The following HIPK3 variants were observed in gnomAD, a reference collection of about 807,000 sequenced individuals.
The protein encoded by HIPK3 is homeodomain-interacting protein kinase 3.
A neutral mutation model predicts 124.2 loss-of-function variants in HIPK3; 47 were observed. The ratio of observed to expected loss-of-function variants is 0.38; its 90% CI spans 0.30 to 0.48. The LOEUF (loss-of-function observed/expected upper bound fraction) is 0.48. Ranked by LOEUF, HIPK3 falls within the 20% of genes least tolerant of loss-of-function variation. HIPK3 has a pLI of 0.98. For missense variants in HIPK3, 1,286 were observed against 1,454.3 expected, an observed-to-expected ratio of 0.88 and a Z score of 1.88; for synonymous variants, 482 against 515.2, an observed-to-expected ratio of 0.94 and a Z score of 0.87.
chr11:33,283,894 C>T (rs1231306274), intron 1 of HIPK3, among the ~76,000 whole-genome samples: 5 of 151,922 alleles, frequency 3.3e-5, no homozygotes, highest in East Asian at 2.0e-4. Flanking sequence ...AGGCTGGTCT[C>T]GAGTTCCTGA....
intron 1 of HIPK3, among the ~76,000 whole-genome samples, chr11:33,269,794 A>G (rs1851072941): frequency 6.6e-6 from 1 of 151,952 alleles, no homozygotes; most frequent in Non-Finnish European, 1.5e-5. Context: ...CCTTCAGATA[A>G]TTGTTTACAG....
chr11:33,308,324 T>A (rs1852224205), intron 2 of HIPK3, among the ~76,000 whole-genome samples: 2 of 152,210 alleles, frequency 1.3e-5, no homozygotes, highest in Admixed American at 6.5e-5. Context: ...TCCTCCTGAT[T>A]GTTCTTCAAG....
upstream of HIPK3, chr11:33,257,275 G>C (rs1005057479): frequency 3.1e-6 from 3 of 983,406 alleles, no homozygotes; most frequent in African/African-American, 3.5e-5. Context: ...GAGCGGAGCG[G>C]AGCCGCCCGG....
At position 33,287,297 on chromosome 11, in the gene HIPK3, C is replaced by A; in HGVS notation, c.883C>A (p.Pro295Thr). The A allele has an allele frequency of 6.2e-7, 1 of 1,614,068 alleles. No individual in the cohort carries two copies. The highest frequency in any genetic ancestry group is 8.5e-7 in the Non-Finnish European group (1 of 1,179,992). The change falls in exon 2 of 17, where the codon CCA becomes ACA. Residue 295 changes from proline to threonine, a missense_variant. Transcript: ENST00000303296. ...GAAACAAAATAAATTTAGTCCCCTG[C>A]CACTAAAAGTGATTCGGCCCATTCT... is the stretch of plus-strand genomic sequence containing the variant. ...FLKQNKFSPL[P>T]LKVIRPILQQ... is the part of the protein sequence containing the mutation.
intron 1 of HIPK3, among the ~76,000 whole-genome samples, chr11:33,275,691 C>A (rs1467949265): frequency 1.3e-5 from 2 of 152,044 alleles, no homozygotes; most frequent in Non-Finnish European, 2.9e-5. Context: ...AATGAAAAGC[C>A]CTTTTAATTG....
intron 2 of HIPK3, among the ~76,000 whole-genome samples, chr11:33,321,326 A>G (rs559677978): frequency 1.7e-4 from 26 of 152,334 alleles, no homozygotes; most frequent in Non-Finnish European, 3.5e-4. Flanking sequence ...GGCAGCTTGT[A>G]TAAACAGTGC....
At chr11:33,271,165 G>T (rs985091633) in intron 1 of HIPK3, among the ~76,000 whole-genome samples, 7 of 151,938 alleles carry the variant, frequency 4.6e-5, no homozygotes, top group African/African-American at 1.7e-4. Flanking sequence ...CATTCTAAGT[G>T]TTTGTTAATA....
chr11:33,348,502 A>G lies in HIPK3; in HGVS notation c.2370-20A>G. On this transcript the variant is annotated intron_variant, in intron 12 of 16. Transcript: ENST00000303296. ...ACATATTTTGATTATAGAAATTATA[A>G]ATTATTCCTTTGGTTGCAGGAGTAA... 1 of 1,561,472 alleles carries G rather than the reference A, an allele frequency of 6.4e-7. No individual in the cohort carries two copies.
chr11:33,326,684 T>TC (rs1314494126), intron 2 of HIPK3, among the ~76,000 whole-genome samples: 38 of 150,596 alleles, frequency 2.5e-4, no homozygotes, highest in Admixed American at 9.9e-4. Context: ...TTTTTTTTTT[T>TC]CCCCCGAGAC....
intron 2 of HIPK3, among the ~76,000 whole-genome samples, chr11:33,301,464 C>T (rs554944472): frequency 6.6e-6 from 1 of 152,064 alleles, no homozygotes; most frequent in Admixed American, 6.6e-5. Flanking sequence ...ATTGATTTCA[C>T]CATGTGCAAA....
At chr11:33,297,984 T>A (rs1156312811) in intron 2 of HIPK3, among the ~76,000 whole-genome samples, 1 of 152,050 alleles carries the variant, frequency 6.6e-6, no homozygotes, top group Non-Finnish European at 1.5e-5. Context: ...AGACAGGGTT[T>A]CACCATGTTG....
Position 33,348,816 on chromosome 11 carries a change from AGAGT to A in HIPK3, c.2665_2666+2del. The A allele has an allele frequency of 6.2e-7, 1 of 1,612,006 alleles. No homozygotes were observed. Among genetic ancestry groups the A allele is most frequent in the Non-Finnish European group, 8.5e-7 (1 of 1,178,330 alleles). On this transcript the variant is annotated splice_donor_variant and coding_sequence_variant, in exon 13 of 17. Coordinates refer to ENST00000303296, the MANE Select transcript of HIPK3 (RefSeq NM_005734.5). LOFTEE classifies it high-confidence loss of function. Reference sequence around the variant, plus strand: ...AGACTTCCCAGAGACATTCACTCAGAGAGTAAGTGCCAAACGCTGCATCCTCAAA... The same window carrying A: ...AGACTTCCCAGAGACATTCACTCAGAAAGTGCCAAACGCTGCATCCTCAAA...
In HIPK3 at chr11:33,325,612, G is replaced by A. The variant is rs148134311; in HGVS notation, c.1098-2898G>A. Among the ~76,000 whole-genome samples, 7 of 152,218 alleles carry A rather than the reference G, an allele frequency of 4.6e-5. No homozygotes were observed. The East Asian group carries it at 1.2e-3, about 25-fold the overall frequency. The stretch of plus-strand genomic sequence containing the variant: ...TTCTGCCTAGACTTCTGTATTTGAA[G>A]GCCTAGTCCAAAACCAGACCGTACT... On this transcript the variant is annotated intron_variant, in intron 2 of 16. Transcript: ENST00000303296.
At chr11:33,305,191 A>G (rs1852120562) in intron 2 of HIPK3, among the ~76,000 whole-genome samples, 1 of 152,030 alleles carries the variant, frequency 6.6e-6, no homozygotes, top group Non-Finnish European at 1.5e-5. Flanking sequence ...TGGTAGAGGC[A>G]GGGTTTCACC....
At chr11:33,280,599 C>T (rs1851386512) in intron 1 of HIPK3, among the ~76,000 whole-genome samples, 1 of 152,154 alleles carries the variant, frequency 6.6e-6, no homozygotes, top group African/African-American at 2.4e-5. Flanking sequence ...GATAGGTTCA[C>T]AGAGCATAGT....
chr11:33,320,245 CTAATTTATG>C (rs1359041400), intron 2 of HIPK3, among the ~76,000 whole-genome samples: 1 of 152,118 alleles, frequency 6.6e-6, no homozygotes, highest in East Asian at 1.9e-4. Context: ...GTGACATGGT[CTAATTTATG>C]TATTAAATGG....
At chr11:33,272,554 G>GT (rs1851155174) in intron 1 of HIPK3, among the ~76,000 whole-genome samples, 1 of 152,060 alleles carries the variant, frequency 6.6e-6, no homozygotes, top group Non-Finnish European at 1.5e-5. Context: ...AGTTTCTGCT[G>GT]TATCACCTTC....
chr11:33,313,235 A>G (rs112460259), intron 2 of HIPK3, among the ~76,000 whole-genome samples: 24 of 152,358 alleles, frequency 1.6e-4, no homozygotes, highest in African/African-American at 5.8e-4. Context: ...CAGTGTCATG[A>G]AAACCACAGA....
At chr11:33,291,957 T>C (rs1039328377) in intron 2 of HIPK3, among the ~76,000 whole-genome samples, 3 of 152,194 alleles carry the variant, frequency 2.0e-5, no homozygotes, top group Non-Finnish European at 2.9e-5. Context: ...TTTAGACATA[T>C]TTGTTCTTTC....
Sources: gnomAD v4.1 joint callset for allele counts (sites outside exome capture counted in the v4.1 genomes callset) on GRCh38, gnomAD v4.1.1 for gene constraint, MANE v1.5 for transcripts, NCBI Gene and HGNC (gene_info 2026-07-23, HGNC 2026-07-21) for gene names.